The following CACNB2 variants were observed in gnomAD, a reference collection of about 807,000 sequenced individuals.
CACNB2 encodes the protein calcium voltage-gated channel auxiliary subunit beta 2.
Under a neutral mutation model 73.3 loss-of-function variants are expected in CACNB2, and 42 were observed. That is an observed-to-expected ratio of 0.57 (90% CI 0.45 to 0.74). The LOEUF (loss-of-function observed/expected upper bound fraction) is 0.74. CACNB2 is among the 30% of genes least tolerant of loss of function. The pLI is 0.00. For missense variants in CACNB2, 940 were observed against 853.0 expected (o/e 1.10, Z -1.27); for synonymous variants, 348 against 310.3 (o/e 1.12, Z -1.28).
At position 18,532,534 on chromosome 10, in the gene CACNB2, C is replaced by A. The variant is rs148363143; in HGVS notation, c.1055-1542C>A. 1.1e-4 allele frequency among the ~76,000 whole-genome samples: 16 copies of A among 151,794 alleles called. 1 individual carries two copies. In the East Asian group the frequency reaches 2.7e-3, roughly 26 times the overall value. On this transcript the variant is annotated intron_variant, in intron 10 of 13. Coordinates refer to ENST00000324631, the MANE Select transcript of CACNB2 (RefSeq NM_201596.3). ...CTAAAAGTACAAAACATTAGCTGGG[C>A]CTGGTGGCACATGCCGGTAATTCCA... is the stretch of plus-strand genomic sequence containing the variant.
intron 9 of CACNB2, among the ~76,000 whole-genome samples, chr10:18,522,752 C>T (rs1471815044): frequency 6.6e-6 from 1 of 151,730 alleles, no homozygotes; most frequent in Non-Finnish European, 1.5e-5. Context: ...TTGGCGGGTG[C>T]CTGCAGTCCC....
chr10:18,297,223 T>C (rs1290953979), intron 2 of CACNB2, among the ~76,000 whole-genome samples: 2 of 152,130 alleles, frequency 1.3e-5, no homozygotes, highest in East Asian at 1.9e-4. Flanking sequence ...CAGATTTTCA[T>C]CAGTTTTGAA....
chr10:18,504,417 A>G (rs1349503381), intron 5 of CACNB2, among the ~76,000 whole-genome samples: 1 of 126,100 alleles, frequency 7.9e-6, no homozygotes, highest in Non-Finnish European at 1.6e-5. Flanking sequence ...ACTTTATTAG[A>G]TATGTTGTTT....
intron 2 of CACNB2, among the ~76,000 whole-genome samples, chr10:18,241,745 T>A (rs1038934010): frequency 2.0e-5 from 3 of 152,122 alleles, no homozygotes; most frequent in African/African-American, 7.2e-5. Flanking sequence ...TAATTATTTT[T>A]ATTTATATCT....
At chr10:18,235,794 T>G (rs933989879) in intron 2 of CACNB2, among the ~76,000 whole-genome samples, 2 of 151,984 alleles carry the variant, frequency 1.3e-5, no homozygotes, top group Admixed American at 6.5e-5. Context: ...CACGGAGGTA[T>G]GGTTTGGATT....
At chr10:18,228,450 G>GAAAAGA (rs1554773834) in intron 2 of CACNB2, among the ~76,000 whole-genome samples, 71 of 69,012 alleles carry the variant, frequency 1.0e-3, no homozygotes, top group African/African-American at 3.9e-3. Flanking sequence ...AAAAAAAAAA[G>GAAAAGA]AAAAAAAAAA....
rs184451805 is a variant in CACNB2 at position 18,506,656 on chromosome 10, A to C, written c.670+109A>C. On this transcript the variant is annotated intron_variant, in intron 6 of 13. Coordinates refer to ENST00000324631, the MANE Select transcript of CACNB2 (RefSeq NM_201596.3). ...CACTGAATCACTATGTTAACCCTAC[A>C]GATGTTAAAAGGAATCAGAAGTGAG... 182 of 751,286 alleles carry C rather than the reference A, an allele frequency of 2.4e-4. 2 individuals carry two copies. The African/African-American group carries it at 2.9e-3, about 12-fold the overall frequency. The allele number at this position is 751,286 out of a possible 1,614,324, so 46.5% of individuals were successfully genotyped here.
chr10:18,467,842 A>G (rs1228097623), intron 3 of CACNB2, among the ~76,000 whole-genome samples: 1 of 152,188 alleles, frequency 6.6e-6, no homozygotes, highest in African/African-American at 2.4e-5. Context: ...AAGTACTCAC[A>G]ATGCATTGCA....
chr10:18,422,002 A>G (rs1165918050), intron 3 of CACNB2, among the ~76,000 whole-genome samples: 1 of 152,234 alleles, frequency 6.6e-6, no homozygotes, highest in Non-Finnish European at 1.5e-5. Context: ...TTCTTGTGCT[A>G]TAGCTGTTAA....
At chr10:18,183,236 A>G (rs1351255409) in intron 2 of CACNB2, among the ~76,000 whole-genome samples, 7 of 152,190 alleles carry the variant, frequency 4.6e-5, no homozygotes, top group Admixed American at 6.5e-5. Context: ...ATATAGTCTG[A>G]GTTCTCTAAA....
chr10:18,222,894 G>A (rs771455965), intron 2 of CACNB2, among the ~76,000 whole-genome samples: 9 of 152,144 alleles, frequency 5.9e-5, no homozygotes, highest in East Asian at 1.9e-4. Flanking sequence ...CTGAGATTGC[G>A]CCATTGCACT....
At chr10:18,433,783 T>C (rs557419298) in intron 3 of CACNB2, among the ~76,000 whole-genome samples, 11 of 152,240 alleles carry the variant, frequency 7.2e-5, no homozygotes, top group South Asian at 4.1e-4. Flanking sequence ...TAAATACTTA[T>C]AGGGAACAGT....
At chr10:18,261,389 C>T in intron 2 of CACNB2, 1 of 1,549,438 alleles carries the variant, frequency 6.5e-7, no homozygotes, top group Non-Finnish European at 8.7e-7. Flanking sequence ...GTGCATGTTG[C>T]CTCTTTCAGC....
intron 5 of CACNB2, among the ~76,000 whole-genome samples, chr10:18,505,633 G>A (rs954159737): frequency 2.0e-5 from 3 of 152,130 alleles, no homozygotes; most frequent in Non-Finnish European, 4.4e-5. Context: ...ATTAGGCAGT[G>A]AGATCATTTT....
At chr10:18,401,737 C>T (rs1163837364) in intron 2 of CACNB2, among the ~76,000 whole-genome samples, 187 bp from the exon 3 acceptor site, 1 of 152,190 alleles carries the variant, frequency 6.6e-6, no homozygotes, top group Non-Finnish European at 1.5e-5. Context: ...GTAGACACAA[C>T]TATTCTATTG....
chr10:18,419,612 G>T (rs2045207219), intron 3 of CACNB2, among the ~76,000 whole-genome samples: 1 of 152,238 alleles, frequency 6.6e-6, no homozygotes, highest in African/African-American at 2.4e-5. Flanking sequence ...CTGGAAAAGG[G>T]GTCTTGTCCA....
intron 12 of CACNB2, among the ~76,000 whole-genome samples, chr10:18,537,905 T>TGATTGATAGACAACTTTTCTGGG (rs1451219309): frequency 1.3e-5 from 2 of 152,246 alleles, no homozygotes; most frequent in African/African-American, 4.8e-5. Context: ...TTTTCATTGC[T>TGATTGATAGACAACTTTTCTGGG]GATTGATAGA....
chr10:18,164,979 C>T (rs977135680), intron 2 of CACNB2, among the ~76,000 whole-genome samples: 4 of 152,046 alleles, frequency 2.6e-5, no homozygotes, highest in African/African-American at 9.7e-5. Context: ...GTGCCTTTGC[C>T]AGGCAGTGGG....
chr10:18,503,920 T>C (rs955396200), intron 5 of CACNB2, among the ~76,000 whole-genome samples: 1 of 152,188 alleles, frequency 6.6e-6, no homozygotes, highest in Non-Finnish European at 1.5e-5. Context: ...TTTACTAAAA[T>C]TGCTTTCTCA....
Sources: gnomAD v4.1 joint callset for allele counts (sites outside exome capture counted in the v4.1 genomes callset) on GRCh38, gnomAD v4.1.1 for gene constraint, MANE v1.5 for transcripts, NCBI Gene and HGNC (gene_info 2026-07-23, HGNC 2026-07-21) for gene names.